Variants in RNF14 observed in about 807,000 individuals in gnomAD.
The protein encoded by RNF14 is E3 ubiquitin-protein ligase RNF14.
RNF14 carries 26 observed loss-of-function variants against 52.6 expected under a neutral mutation model. The observed-to-expected ratio is 0.49, with a 90% CI of 0.36 to 0.69. RNF14 has a LOEUF of 0.69. RNF14 is among the 30% of genes least tolerant of loss of function. The pLI is 0.00. For missense variants in RNF14, 404 were observed against 560.4 expected (o/e 0.72, Z 2.82); for synonymous variants, 194 against 202.0 (o/e 0.96, Z 0.34).
chr5:141,983,306 T>C (rs1244642563), intron 6 of RNF14, 74 bp from the exon 7 acceptor site: 1 of 1,174,434 alleles, frequency 8.5e-7, no homozygotes, highest in Non-Finnish European at 1.2e-6. Context: ...AGTCGAAGAT[T>C]ATAGCCATTT....
At chr5:141,981,812 A>G (rs1596700695) in intron 6 of RNF14, 1 of 152,024 alleles carries the variant, frequency 6.6e-6, no homozygotes. Context: ...AGATTGCACC[A>G]CTGCACTCCA....
intron 4 of RNF14, 104 bp from the exon 5 acceptor site, chr5:141,978,199 A>G: frequency 1.0e-6 from 1 of 965,822 alleles, no homozygotes; most frequent in Non-Finnish European, 1.6e-6. Flanking sequence ...TAGTGTTAGA[A>G]TAAGGGCCTA....
At chr5:141,977,210 C>T (rs936354117) in intron 4 of RNF14, among the ~76,000 whole-genome samples, 1 of 152,236 alleles carries the variant, frequency 6.6e-6, no homozygotes, top group South Asian at 2.1e-4. Flanking sequence ...TCACATTTTA[C>T]AGATGTTAGC....
chr5:141,950,056 C>T, the RNF14 span, among the ~76,000 whole-genome samples: 4 of 152,190 alleles, frequency 2.6e-5, no homozygotes, highest in Admixed American at 2.6e-4. Flanking sequence ...TACTGATGCT[C>T]AGAACAGGGC....
chr5:141,954,737 A>G (rs564228505), upstream of RNF14, among the ~76,000 whole-genome samples: 8 of 152,336 alleles, frequency 5.3e-5, no homozygotes, highest in South Asian at 1.7e-3. Flanking sequence ...TATCATCTCT[A>G]ATTTACAGAT....
Position 141,982,440 on chromosome 5 carries a change from A to C in RNF14, c.1064-940A>C, listed in dbSNP as rs937470109. ...AGGATATAGGATTCTATACCAGAAG[A>C]TGTCTTTTGCTTTAAAAGGGAGATA... On this transcript the variant is annotated intron_variant, in intron 6 of 8. Transcript: ENST00000394520. 3.3e-5 allele frequency among the ~76,000 whole-genome samples: 5 copies of C among 152,224 alleles called. 1 individual carries two copies. The highest frequency in any genetic ancestry group is 7.2e-5 in the African/African-American group (3 of 41,458).
At chr5:141,957,924 C>T (rs1303161807), upstream of RNF14, 5 of 1,520,776 alleles carry the variant, frequency 3.3e-6, no homozygotes, top group East Asian at 9.0e-5. The surrounding 1 kb of genome is among the most constrained non-coding windows in gnomAD (Gnocchi z 4.3). Flanking sequence ...TCCAGTGTTT[C>T]CTGGATGGCT....
At chr5:141,967,076 A>C (rs115088670), upstream of RNF14, among the ~76,000 whole-genome samples, 1 of 152,218 alleles carries the variant, frequency 6.6e-6, no homozygotes, top group South Asian at 2.1e-4. Flanking sequence ...TGTGACAATC[A>C]AGATTTATAG....
chr5:141,951,131 A>G, the RNF14 span, among the ~76,000 whole-genome samples: 1 of 152,306 alleles, frequency 6.6e-6, no homozygotes, highest in East Asian at 1.9e-4. Context: ...CCTTCATATT[A>G]TGTTTATGGG....
At chr5:141,951,405 C>T in the RNF14 span, 4 of 979,204 alleles carry the variant, frequency 4.1e-6, no homozygotes, top group Admixed American at 1.7e-5. Context: ...CTGACTTGTG[C>T]TCACCCTTCC....
intron 8 of RNF14, 132 bp downstream of exon 8, chr5:141,985,065 G>A (rs1755115960): frequency 6.1e-6 from 5 of 822,566 alleles, no homozygotes; most frequent in Admixed American, 5.2e-5. Context: ...CCCTATAAAG[G>A]AATTTTCATA....
At chr5:141,949,375 G>A in the RNF14 span, 5 of 1,549,796 alleles carry the variant, frequency 3.2e-6, no homozygotes, top group Non-Finnish European at 4.3e-6. Flanking sequence ...GCAGAACTCT[G>A]AAGCTTGGAC....
chr5:141,955,547 G>GTT (rs755784302), upstream of RNF14: 1 of 1,614,172 alleles, frequency 6.2e-7, no homozygotes, highest in Non-Finnish European at 8.5e-7. The surrounding 1 kb of genome is among the most constrained non-coding windows in gnomAD (Gnocchi z 5.5). Context: ...TTCTGAATGT[G>GTT]TTTCTGGGGC....
At chr5:141,957,863 A>G, upstream of RNF14, 1 of 1,592,130 alleles carries the variant, frequency 6.3e-7, no homozygotes, top group Non-Finnish European at 8.5e-7. This position sits in a 1 kb window ranked among gnomAD's most constrained non-coding sequence, Gnocchi z 4.3. Context: ...CTTACCGCCA[A>G]GTGGGCTAGA....
At chr5:141,957,785 C>A (rs1273384465), upstream of RNF14, 1 of 1,607,922 alleles carries the variant, frequency 6.2e-7, no homozygotes, top group Non-Finnish European at 8.5e-7. The surrounding 1 kb of genome is among the most constrained non-coding windows in gnomAD (Gnocchi z 4.3). Flanking sequence ...TCCTGACAAT[C>A]CCCTAAAAGA....
At chr5:141,967,073 A>G (rs1283399733), upstream of RNF14, among the ~76,000 whole-genome samples, 1 of 152,234 alleles carries the variant, frequency 6.6e-6, no homozygotes. Context: ...TTTTGTGACA[A>G]TCAAGATTTA....
intron 1 of RNF14, among the ~76,000 whole-genome samples, chr5:141,970,131 T>C (rs1753613935): frequency 6.6e-6 from 1 of 152,214 alleles, no homozygotes; most frequent in Admixed American, 6.5e-5. Flanking sequence ...AGGGTGTTGA[T>C]AGGATTCTCC....
At chr5:141,958,322 C>T (rs1475069794), upstream of RNF14, 4 of 159,432 alleles carry the variant, frequency 2.5e-5, no homozygotes, top group Admixed American at 5.8e-5. Context: ...AGTGGCCTGC[C>T]GCTGAGGAGG....
At chr5:141,949,355 G>A in the RNF14 span, 2 of 1,504,580 alleles carry the variant, frequency 1.3e-6, no homozygotes, top group Non-Finnish European at 1.8e-6. Context: ...TTTCCCTGCA[G>A]TGGATTGGAG....
Sources: gnomAD v4.1 joint callset for allele counts (sites outside exome capture counted in the v4.1 genomes callset) on GRCh38, gnomAD v4.1.1 for gene constraint, Gnocchi (gnomAD v3.1) non-coding constraint, MANE v1.5 for transcripts, NCBI Gene and HGNC (gene_info 2026-07-23, HGNC 2026-07-21) for gene names.